The following BCAT1 variants were observed in gnomAD, a reference collection of about 807,000 sequenced individuals.
BCAT1 encodes branched chain amino acid transaminase 1.
A neutral mutation model predicts 52.4 loss-of-function variants in BCAT1; 48 were observed. The ratio of observed to expected loss-of-function variants is 0.92; its 90% CI spans 0.73 to 1.16. The LOEUF (loss-of-function observed/expected upper bound fraction) is 1.16, where lower values mean the gene tolerates loss of function less well. Ranked by LOEUF, BCAT1 falls within the 50% of genes most tolerant of loss-of-function variation. BCAT1 has a pLI of 0.00. For missense variants in BCAT1, 451 were observed against 457.1 expected, an observed-to-expected ratio of 0.99 and a Z score of 0.12; for synonymous variants, 167 against 161.3, an observed-to-expected ratio of 1.04 and a Z score of -0.27.
chr12:24,890,427 G>A lies in BCAT1; in HGVS notation c.279+3848C>T, dbSNP rs566351010. 1.6e-4 allele frequency among the ~76,000 whole-genome samples: 24 copies of A among 152,246 alleles called. No individual in the cohort carries two copies. In the South Asian group the frequency reaches 2.9e-3, roughly 18 times the overall value. ...AGGTCACAGGATGAGATAGGAGGTC[G>A]GCACAACATACAGGTTACAAAGACC... On this transcript the variant is annotated intron_variant, in intron 3 of 10. Coordinates refer to ENST00000261192, the MANE Select transcript of BCAT1 (RefSeq NM_005504.7).
chr12:24,902,263 C>T, intron 1 of BCAT1: 1 of 1,341,080 alleles, frequency 7.5e-7, no homozygotes. Flanking sequence ...GAAAAATCTC[C>T]AGGGCGCGCT....
In BCAT1 at chr12:24,870,092, C is replaced by A. The variant is rs575698428; in HGVS notation, c.510+8438G>T. ...TTGGAAGGAGATGAATTGTAGAACC[C>A]TGGATGGAAATGAGAGTGTGAGAGT... On this transcript the variant is annotated intron_variant, in intron 5 of 10. Transcript: ENST00000261192. Among the ~76,000 whole-genome samples the A allele has an allele frequency of 2.6e-5, 4 of 151,984 alleles. No individual in the cohort carries two copies. In the East Asian group the frequency reaches 5.8e-4, roughly 22 times the overall value.
chr12:24,839,418 G>A (rs1474996247), intron 7 of BCAT1, among the ~76,000 whole-genome samples: 2 of 152,216 alleles, frequency 1.3e-5, no homozygotes, highest in Non-Finnish European at 2.9e-5. Flanking sequence ...CAAAGTGACT[G>A]TGAACTCAAC....
rs867948234 is a variant in BCAT1, at chr12:24,821,883, G to A, written c.1120-3834C>T. Among the ~76,000 whole-genome samples the A allele has an allele frequency of 4.6e-5, 7 of 152,182 alleles. No individual in the cohort carries two copies. The South Asian group carries it at 6.2e-4, about 14-fold the overall frequency. ...AGCAAAGGGAATATTCTTCAAGAGAGATTCAAAAGGCTTCTGAACGAGATG... is the reference window on the plus strand; with the variant it reads ...AGCAAAGGGAATATTCTTCAAGAGAAATTCAAAAGGCTTCTGAACGAGATG... On this transcript the variant is annotated intron_variant, in intron 10 of 10. Transcript: ENST00000261192.
At position 24,842,093 on chromosome 12, in the gene BCAT1, T is replaced by A. The variant is rs1941192892; in HGVS notation, c.806A>T (p.Asn269Ile). The A allele has an allele frequency of 1.2e-6, 2 of 1,613,640 alleles. No individual in the cohort carries two copies. Among genetic ancestry groups the A allele is most frequent in the African/African-American group, 1.3e-5 (1 of 74,896 alleles). ...TCTGAGTGGATTACCTCCATCTTCA[T>A]TTATCCAGTAAAGAAAAAGATTCAT... The part of the protein sequence containing the change: ...GTMNLFLYWI[N>I]EDGEEELATP... Residue 269 changes from asparagine to isoleucine, a missense_variant, in exon 7 of 11, where the codon AAT (asparagine) becomes ATT (isoleucine). Asn to Ile is a moderately radical substitution (Grantham distance 149). Coordinates refer to ENST00000261192, the MANE Select transcript of BCAT1 (RefSeq NM_005504.7).
At chr12:24,852,633 T>C (rs1452343749) in intron 5 of BCAT1, among the ~76,000 whole-genome samples, 1 of 152,178 alleles carries the variant, frequency 6.6e-6, no homozygotes, top group Non-Finnish European at 1.5e-5. Context: ...AGAGCACAGA[T>C]AGAAAATGGA....
rs765258859 is a variant in BCAT1, at chr12:24,881,415, G to T, written c.280-4C>A. The T allele has an allele frequency of 6.3e-7, 1 of 1,580,114 alleles. No individual in the cohort carries two copies. The highest frequency in any genetic ancestry group is 8.7e-7 in the Non-Finnish European group (1 of 1,149,960). ...ATGCCTTCAATCCTTCAAATAACTG[G>T]AGATCAAAGAGAAAAAATCTTAGAG... On this transcript the variant is annotated splice_region_variant and splice_polypyrimidine_tract_variant and intron_variant, in intron 3 of 10. Coordinates refer to ENST00000261192, the MANE Select transcript of BCAT1 (RefSeq NM_005504.7).
intron 6 of BCAT1, among the ~76,000 whole-genome samples, chr12:24,847,009 G>A (rs1488328782): frequency 6.6e-6 from 1 of 152,130 alleles, no homozygotes; most frequent in African/African-American, 2.4e-5. Context: ...CTAAACCCAA[G>A]CTTTTAACCA....
chr12:24,832,955 T>G (rs773556587), intron 8 of BCAT1, 92 bp from the exon 9 acceptor site: 2 of 1,312,506 alleles, frequency 1.5e-6, no homozygotes, highest in Non-Finnish European at 2.1e-6. Flanking sequence ...ACATTCTGAT[T>G]GCACTTAGAC....
At chr12:24,881,434 C>A (rs993186069) in intron 3 of BCAT1, 23 bp from the exon 4 acceptor site, 1 of 1,514,518 alleles carries the variant, frequency 6.6e-7, no homozygotes, top group African/African-American at 1.4e-5. Context: ...GAGAAAAAAT[C>A]TTAGAGGGTA....
chr12:24,923,092 A>G lies in BCAT1; in HGVS notation c.7-21207T>C, dbSNP rs997110507. Among the ~76,000 whole-genome samples, 3 of 152,178 alleles carry G rather than the reference A, an allele frequency of 2.0e-5. No individual in the cohort carries two copies. In the East Asian group the frequency reaches 5.8e-4, roughly 29 times the overall value. On this transcript the variant is annotated intron_variant, in intron 1 of 10. Coordinates refer to ENST00000261192, the MANE Select transcript of BCAT1 (RefSeq NM_005504.7). ...CCCAAGGTTTTTATGTGGGGCTGTC[A>G]TGTAAACACCCCTACCTAGCACATC...
intron 1 of BCAT1, among the ~76,000 whole-genome samples, chr12:24,938,214 G>A (rs1312901158): frequency 1.3e-5 from 2 of 152,160 alleles, no homozygotes; most frequent in African/African-American, 4.8e-5. Flanking sequence ...GGAGTCTCAT[G>A]TGGAAACAGT....
intron 5 of BCAT1, among the ~76,000 whole-genome samples, chr12:24,864,508 G>A (rs951031061): frequency 2.6e-5 from 4 of 152,142 alleles, no homozygotes; most frequent in Admixed American, 1.3e-4. Context: ...GCTCTACTTA[G>A]TCACATGTCC....
intron 7 of BCAT1, among the ~76,000 whole-genome samples, chr12:24,840,927 T>C (rs746006955): frequency 5.3e-5 from 8 of 152,222 alleles, no homozygotes; most frequent in Non-Finnish European, 1.0e-4. Flanking sequence ...TAAACAAGTC[T>C]AAAAATACGC....
intron 1 of BCAT1, among the ~76,000 whole-genome samples, chr12:24,919,321 CT>C (rs1160822068): frequency 1.3e-5 from 2 of 152,220 alleles, no homozygotes; most frequent in Non-Finnish European, 2.9e-5. Context: ...GTCCGCAGGA[CT>C]TTTCCCAAAT....
chr12:24,836,936 AAGAAAGAAAGAAAGAAAGAAAAG>A (rs1940979357), intron 7 of BCAT1, among the ~76,000 whole-genome samples: 2 of 121,676 alleles, frequency 1.6e-5, no homozygotes, highest in South Asian at 2.6e-4. Flanking sequence ...GAAAGAAAGA[AAGAAAGAAAGAAAGAAAGAAAAG>A]AGAAAGAAAG....
chr12:24,930,198 C>CTT, intron 1 of BCAT1, among the ~76,000 whole-genome samples: 1 of 152,204 alleles, frequency 6.6e-6, no homozygotes, highest in African/African-American at 2.4e-5. Context: ...GAGACCACTG[C>CTT]CTTGCACAGC....
intron 1 of BCAT1, among the ~76,000 whole-genome samples, chr12:24,931,000 T>C (rs11610213): frequency 0.39 from 58,324 of 150,342 alleles, 11,959 homozygotes; most frequent in Middle Eastern, 0.64. Flanking sequence ...CCTCCCAGGT[T>C]CTGGTGATTC....
At chr12:24,821,141 T>C (rs1350915493) in intron 10 of BCAT1, among the ~76,000 whole-genome samples, 1 of 152,148 alleles carries the variant, frequency 6.6e-6, no homozygotes. Context: ...GGTGGAGCCT[T>C]TAACTTCTTA....
Sources: allele counts gnomAD v4.1 joint callset (sites outside exome capture counted in the v4.1 genomes callset), GRCh38; gene constraint gnomAD v4.1.1; transcripts MANE v1.5; gene names NCBI Gene and HGNC (gene_info 2026-07-23, HGNC 2026-07-21).